PARD3: variants seen among roughly 807,000 people sequenced by gnomAD.
PARD3 encodes the protein partitioning defective 3 homolog.
In PARD3, 75 loss-of-function variants were observed where a neutral mutation model predicts 155.4. The ratio of observed to expected loss-of-function variants is 0.48; its 90% CI spans 0.40 to 0.58. PARD3 has a LOEUF of 0.58. Among genes scored for constraint, PARD3 ranks in the 20% least tolerant of loss-of-function variants. PARD3 has a pLI of 0.00. For missense variants in PARD3, 1,642 were observed against 1,721.7 expected (o/e 0.95, Z 0.82); for synonymous variants, 576 against 610.5 (o/e 0.94, Z 0.83).
intron 19 of PARD3, among the ~76,000 whole-genome samples, chr10:34,330,246 T>C (rs1051827359): frequency 5.9e-5 from 9 of 152,332 alleles, no homozygotes; most frequent in East Asian, 1.9e-4. Flanking sequence ...TTAGTAAATA[T>C]ATCGGTAGAG....
chr10:34,628,534 C>T lies in PARD3; in HGVS notation c.222+67784G>A, dbSNP rs569103405. Among the ~76,000 whole-genome samples the T allele has an allele frequency of 3.3e-5, 5 of 152,322 alleles. No individual in the cohort carries two copies. In the South Asian group the frequency reaches 1.0e-3, roughly 32 times the overall value. On this transcript the variant is annotated intron_variant, in intron 2 of 24. Coordinates refer to ENST00000374788, the MANE Select transcript of PARD3 (RefSeq NM_001184785.2). ...TGTCCCAGTGAGAAGCAGCTGCAGT[C>T]GGTACAGAAACGAGTGGGTGTGGCT...
At chr10:34,161,719 T>C (rs140871715) in intron 22 of PARD3, among the ~76,000 whole-genome samples, 1 of 152,300 alleles carries the variant, frequency 6.6e-6, no homozygotes, top group African/African-American at 2.4e-5. Context: ...TCGCTGTTCA[T>C]TTCAAGACAC....
intron 20 of PARD3, among the ~76,000 whole-genome samples, chr10:34,294,125 T>C (rs964196854): frequency 6.6e-6 from 1 of 152,188 alleles, no homozygotes; most frequent in African/African-American, 2.4e-5. Context: ...AGATAATAAT[T>C]CGGGTTGCCA....
intron 3 of PARD3, among the ~76,000 whole-genome samples, chr10:34,481,408 G>C (rs780979063): frequency 6.6e-6 from 1 of 152,244 alleles, no homozygotes; most frequent in South Asian, 2.1e-4. Context: ...CGAGAGTGAA[G>C]GACCTGGCCT....
chr10:34,175,177 T>G (rs1425371637), intron 22 of PARD3, among the ~76,000 whole-genome samples: 1 of 152,226 alleles, frequency 6.6e-6, no homozygotes, highest in Admixed American at 6.5e-5. Flanking sequence ...AAGAATCATT[T>G]GCCTTTATAT....
chr10:34,201,795 C>T (rs1951226287), intron 22 of PARD3, among the ~76,000 whole-genome samples: 2 of 152,118 alleles, frequency 1.3e-5, no homozygotes, highest in African/African-American at 4.8e-5. Flanking sequence ...ATCGTAAAAA[C>T]TAAAGGGAAG....
At chr10:34,112,057 A>G (rs1158335076) in intron 24 of PARD3, among the ~76,000 whole-genome samples, 1 of 152,250 alleles carries the variant, frequency 6.6e-6, no homozygotes, top group Non-Finnish European at 1.5e-5. Flanking sequence ...GTAATGGATT[A>G]CAGTATGAGT....
intron 21 of PARD3, among the ~76,000 whole-genome samples, chr10:34,279,789 C>T (rs1000619691): frequency 2.6e-5 from 4 of 152,006 alleles, no homozygotes; most frequent in Admixed American, 6.6e-5. Flanking sequence ...GATAGTTCAA[C>T]GGTCTGGTAT....
chr10:34,287,230 T>A (rs1195718187), intron 20 of PARD3, among the ~76,000 whole-genome samples: 1 of 152,172 alleles, frequency 6.6e-6, no homozygotes, highest in African/African-American at 2.4e-5. Context: ...TCCAGAAAAG[T>A]ATAAGTTCAA....
intron 1 of PARD3, among the ~76,000 whole-genome samples, chr10:34,717,084 T>C (rs2094533093): frequency 6.6e-6 from 1 of 152,136 alleles, no homozygotes; most frequent in Non-Finnish European, 1.5e-5. Flanking sequence ...TTTAAAGACA[T>C]ACAGATAAAT....
chr10:34,695,275 G>C (rs1191344519), intron 2 of PARD3, among the ~76,000 whole-genome samples: 1 of 152,078 alleles, frequency 6.6e-6, no homozygotes, highest in Non-Finnish European at 1.5e-5. Context: ...AGGAGTTCAA[G>C]ACCAGCCTGA....
At chr10:34,451,523 T>A (rs887343377) in intron 4 of PARD3, among the ~76,000 whole-genome samples, 4 of 152,162 alleles carry the variant, frequency 2.6e-5, no homozygotes, top group Admixed American at 2.0e-4. Context: ...AGGTTTGCAA[T>A]GTATAAAACT....
chr10:34,605,534 C>A lies in PARD3; in HGVS notation c.223-88375G>T, dbSNP rs1302627127. On this transcript the variant is annotated intron_variant, in intron 2 of 24. Coordinates refer to ENST00000374788, the MANE Select transcript of PARD3 (RefSeq NM_001184785.2). ...ATATATATATATCTCCTATATATAT[C>A]TCCTATATATATATATATATATCTC... Among the ~76,000 whole-genome samples the A allele has an allele frequency of 7.1e-4, 13 of 18,264 alleles. 3 individuals are homozygous for A. Among genetic ancestry groups the A allele is most frequent in the South Asian group, 2.3e-3 (1 of 432 alleles). 12.0% of individuals were successfully genotyped at this position (18,264 alleles called of 152,430 possible).
At chr10:34,126,818 G>GAAAAAA (rs550942430) in intron 23 of PARD3, among the ~76,000 whole-genome samples, 7 of 73,316 alleles carry the variant, frequency 9.5e-5, no homozygotes, top group Non-Finnish European at 1.5e-4. Context: ...TCTTGAAAAT[G>GAAAAAA]AAAAAAAAAA....
intron 22 of PARD3, among the ~76,000 whole-genome samples, chr10:34,252,729 T>A (rs947236360): frequency 6.6e-6 from 1 of 151,104 alleles, no homozygotes; most frequent in Non-Finnish European, 1.5e-5. Context: ...TATATAACTT[T>A]ATATATATGT....
At chr10:34,215,093 T>G (rs2133428709) in intron 22 of PARD3, among the ~76,000 whole-genome samples, 1 of 152,320 alleles carries the variant, frequency 6.6e-6, no homozygotes, top group Non-Finnish European at 1.5e-5. Flanking sequence ...AGATAAAACC[T>G]GAAACTTTGC....
At chr10:34,371,355 T>G (rs1034851221) in intron 12 of PARD3, among the ~76,000 whole-genome samples, 1 of 151,580 alleles carries the variant, frequency 6.6e-6, no homozygotes, top group Non-Finnish European at 1.5e-5. Context: ...TTCTCAAGGT[T>G]GTTTACTGAT....
rs576673058 is a variant in PARD3, at chr10:34,181,989, A to G, written c.3420-50406T>C. Among the ~76,000 whole-genome samples, 8 of 152,308 alleles carry G rather than the reference A, an allele frequency of 5.3e-5. No individual in the cohort carries two copies. The South Asian group carries it at 1.4e-3, about 28-fold the overall frequency. On this transcript the variant is annotated intron_variant, in intron 22 of 24. Transcript: ENST00000374788. ...CATTAGGATAAACCGAACGTGTCAG[A>G]TAAGAATTTGTTGAATTTACTTCGG...
intron 22 of PARD3, among the ~76,000 whole-genome samples, chr10:34,152,180 A>G (rs918855562): frequency 6.6e-6 from 1 of 152,134 alleles, no homozygotes; most frequent in African/African-American, 2.4e-5. Context: ...TACTTTGGAA[A>G]AATTTCCCTG....
Sources: gnomAD v4.1 joint callset for allele counts (sites outside exome capture counted in the v4.1 genomes callset) on GRCh38, gnomAD v4.1.1 for gene constraint, MANE v1.5 for transcripts, NCBI Gene and HGNC (gene_info 2026-07-23, HGNC 2026-07-21) for gene names.